The following FOXP1 variants were observed in gnomAD, a reference collection of about 807,000 sequenced individuals.
FOXP1 encodes forkhead box protein P1.
In FOXP1, 15 loss-of-function variants were observed where a neutral mutation model predicts 98.2. The observed-to-expected ratio is 0.15, with a 90% CI of 0.10 to 0.24. The LOEUF is 0.24. Among genes scored for constraint, FOXP1 ranks in the 10% least tolerant of loss-of-function variants. FOXP1 has a pLI of 1.00. For synonymous variants in FOXP1, 371 were observed against 314.5 expected (o/e 1.18, Z -1.90); for missense variants, 633 against 848.5 (o/e 0.75, Z 3.15).
At chr3:71,022,411 T>C (rs1344914028) in intron 11 of FOXP1, among the ~76,000 whole-genome samples, 1 of 152,242 alleles carries the variant, frequency 6.6e-6, no homozygotes, top group African/African-American at 2.4e-5. Flanking sequence ...CTTTTGAGGT[T>C]TGACGGGTAG....
intron 5 of FOXP1, among the ~76,000 whole-genome samples, chr3:71,252,464 G>A (rs1414065301): frequency 1.3e-5 from 2 of 152,290 alleles, no homozygotes; most frequent in South Asian, 4.1e-4. Context: ...AGAGAGTGGA[G>A]CTAATAAAAA....
chr3:71,189,034 C>T (rs193052557), intron 6 of FOXP1, among the ~76,000 whole-genome samples: 1 of 152,298 alleles, frequency 6.6e-6, no homozygotes, highest in East Asian at 1.9e-4. Flanking sequence ...TTGCTTCCTG[C>T]CTTCCCTCTC....
In FOXP1 at chr3:71,376,824, C is replaced by A. The variant is rs147554159; in HGVS notation, c.-167-17580G>T. ...GAGGATGATTTTTACACATCATGTA[C>A]ATTCTCCAGAATGTAGAAACTGATG... On this transcript the variant is annotated intron_variant, in intron 3 of 20. Coordinates refer to ENST00000649528, the MANE Select transcript of FOXP1 (RefSeq NM_001349338.3). Among the ~76,000 whole-genome samples the A allele has an allele frequency of 3.1e-3, 478 of 152,220 alleles. 1 individual carries two copies. The highest frequency in any genetic ancestry group is 5.2e-3 in the Non-Finnish European group (352 of 68,010).
intron 7 of FOXP1, among the ~76,000 whole-genome samples, chr3:71,060,004 T>A (rs559858543): frequency 6.6e-6 from 1 of 152,172 alleles, no homozygotes; most frequent in African/African-American, 2.4e-5. Context: ...AAGAAAAACA[T>A]AATGTCTATC....
At chr3:71,445,713 G>A (rs2086351303) in intron 3 of FOXP1, among the ~76,000 whole-genome samples, 1 of 143,648 alleles carries the variant, frequency 7.0e-6, no homozygotes, top group Admixed American at 7.0e-5. Context: ...TTGAGATGGA[G>A]TTTCACTCTT....
At chr3:71,429,882 T>G (rs2084538966) in intron 3 of FOXP1, among the ~76,000 whole-genome samples, 1 of 152,218 alleles carries the variant, frequency 6.6e-6, no homozygotes, top group African/African-American at 2.4e-5. Flanking sequence ...TTCCTCACTC[T>G]AAAACCTCAA....
At chr3:71,481,006 G>C (rs1037839384) in intron 3 of FOXP1, among the ~76,000 whole-genome samples, 1 of 152,126 alleles carries the variant, frequency 6.6e-6, no homozygotes, top group East Asian at 1.9e-4. Context: ...TTTGAGCACA[G>C]AATGTCTGTC....
intron 10 of FOXP1, among the ~76,000 whole-genome samples, chr3:71,042,291 T>C (rs1225780187): frequency 1.3e-5 from 2 of 152,170 alleles, no homozygotes; most frequent in South Asian, 4.1e-4. Context: ...GTTCTCTTGT[T>C]TTTTTAAAGG....
chr3:71,369,325 G>A (rs1005866762), intron 3 of FOXP1, among the ~76,000 whole-genome samples: 2 of 152,084 alleles, frequency 1.3e-5, no homozygotes, highest in Non-Finnish European at 2.9e-5. Context: ...GGGATGCGGA[G>A]GCTGCAGTGA....
chr3:71,568,335 G>A (rs1428232223), intron 2 of FOXP1, among the ~76,000 whole-genome samples: 1 of 152,196 alleles, frequency 6.6e-6, no homozygotes, highest in Non-Finnish European at 1.5e-5. Context: ...GCCTCAGGCT[G>A]CTATGCCTGT....
chr3:71,407,425 T>C (rs1196671180), intron 3 of FOXP1, among the ~76,000 whole-genome samples: 1 of 152,338 alleles, frequency 6.6e-6, no homozygotes, highest in Admixed American at 6.5e-5. Flanking sequence ...ATTAAACACA[T>C]ATGGCTCAAG....
At chr3:71,568,786 A>G (rs1204160507) in intron 2 of FOXP1, among the ~76,000 whole-genome samples, 2 of 152,068 alleles carry the variant, frequency 1.3e-5, no homozygotes, top group South Asian at 2.1e-4. Context: ...AGCTGGGATT[A>G]CAGGCATGAG....
At chr3:71,561,645 G>C (rs574477499) in intron 2 of FOXP1, among the ~76,000 whole-genome samples, 1 of 152,290 alleles carries the variant, frequency 6.6e-6, no homozygotes, top group East Asian at 1.9e-4. Context: ...CATTACAACA[G>C]CGCTGGCACT....
chr3:71,483,040 A>G (rs1001457724), intron 3 of FOXP1, among the ~76,000 whole-genome samples: 8 of 151,400 alleles, frequency 5.3e-5, no homozygotes, highest in Non-Finnish European at 1.0e-4. Flanking sequence ...GGGTCTCACT[A>G]TGTTGCCCAG....
intron 7 of FOXP1, among the ~76,000 whole-genome samples, chr3:71,101,005 G>A (rs1190694970): frequency 6.6e-6 from 1 of 152,158 alleles, no homozygotes; most frequent in African/African-American, 2.4e-5. Context: ...AGGGGAGGGG[G>A]TGACGGGTTG....
At chr3:71,345,196 T>C (rs904612489) in intron 4 of FOXP1, among the ~76,000 whole-genome samples, 4 of 151,936 alleles carry the variant, frequency 2.6e-5, no homozygotes, top group African/African-American at 9.7e-5. Context: ...GAGATCATAC[T>C]GGCCAACATG....
chr3:71,072,563 T>C (rs1015614552), intron 7 of FOXP1, among the ~76,000 whole-genome samples: 2 of 152,210 alleles, frequency 1.3e-5, no homozygotes, highest in Non-Finnish European at 2.9e-5. Flanking sequence ...ATACATGCTT[T>C]AAGACTTGGT....
chr3:71,583,734 G>A, upstream of FOXP1: 1 of 985,364 alleles, frequency 1.0e-6, no homozygotes, highest in Non-Finnish European at 1.2e-6. Flanking sequence ...AGTACAGCGT[G>A]CAACCGCCAC....
intron 11 of FOXP1, among the ~76,000 whole-genome samples, chr3:71,028,410 G>A (rs1018826350): frequency 2.6e-5 from 4 of 152,196 alleles, no homozygotes; most frequent in African/African-American, 9.6e-5. Context: ...CCAATTTACT[G>A]AATCAGAAAC....
Sources: gnomAD v4.1 joint callset for allele counts (sites outside exome capture counted in the v4.1 genomes callset) on GRCh38, gnomAD v4.1.1 for gene constraint, MANE v1.5 for transcripts, NCBI Gene and HGNC (gene_info 2026-07-23, HGNC 2026-07-21) for gene names.